Variants in TTLL8 observed in about 807,000 individuals in gnomAD.
TTLL8 encodes the protein tubulin tyrosine ligase like 8, also known as protein monoglycylase TTLL8.
In TTLL8, 65 loss-of-function variants were observed where a neutral mutation model predicts 77.8. The observed-to-expected ratio is 0.84, with a 90% CI of 0.68 to 1.03. The LOEUF (loss-of-function observed/expected upper bound fraction) is 1.03. Among genes scored for constraint, TTLL8 ranks in the 50% least tolerant of loss-of-function variants. TTLL8 has a pLI of 0.00. For synonymous variants in TTLL8, 402 were observed against 422.8 expected (o/e 0.95, Z 0.60); for missense variants, 910 against 1,004.5 (o/e 0.91, Z 1.27).
intron 2 of TTLL8, 93 bp downstream of exon 4, chr22:50,050,015 AG>A: frequency 7.8e-7 from 1 of 1,277,386 alleles, no homozygotes; most frequent in Non-Finnish European, 1.0e-6. Context: ...ACCAGGGCCG[AG>A]GGGCAGGCAC....
At chr22:50,056,649 C>T, upstream of TTLL8, 6 of 626,698 alleles carry the variant, frequency 9.6e-6, no homozygotes, top group Non-Finnish European at 1.2e-5. The surrounding 1 kb of genome is among the most constrained non-coding windows in gnomAD (Gnocchi z 4.1). Context: ...AGGAAGCTGG[C>T]CAGTGGGATC....
At chr22:50,018,791 C>G (rs897720038) in intron 12 of TTLL8, among the ~76,000 whole-genome samples, 4 of 152,192 alleles carry the variant, frequency 2.6e-5, no homozygotes, top group Non-Finnish European at 5.9e-5. Flanking sequence ...CTGTCATGAA[C>G]CTGTGTGGAA....
intron 12 of TTLL8, among the ~76,000 whole-genome samples, chr22:50,025,209 C>T (rs1396376397): frequency 4.0e-5 from 6 of 149,024 alleles, no homozygotes; most frequent in Non-Finnish European, 7.4e-5. Flanking sequence ...TCATATTTCA[C>T]GTAACCCACA....
chr22:50,049,080 G>A (rs2061429259), intron 3 of TTLL8, 169 bp downstream of exon 5: 1 of 907,930 alleles, frequency 1.1e-6, no homozygotes, highest in South Asian at 5.1e-5. Flanking sequence ...CCCACCCCTG[G>A]GGGCAGCCAG....
chr22:50,022,520 C>G (rs1347913880), intron 12 of TTLL8, among the ~76,000 whole-genome samples: 1 of 152,108 alleles, frequency 6.6e-6, no homozygotes, highest in Admixed American at 6.5e-5. Context: ...AATGTGTACT[C>G]CTCCATCTGA....
intron 4 of TTLL8, among the ~76,000 whole-genome samples, chr22:50,046,819 GC>G (rs2061415207): frequency 6.6e-6 from 1 of 152,192 alleles, no homozygotes; most frequent in Non-Finnish European, 1.5e-5. Flanking sequence ...GCGGGGGAGT[GC>G]CCGGTGCTGG....
chr22:50,033,035 G>A, intron 10 of TTLL8, 167 bp downstream of exon 11: 1 of 666,364 alleles, frequency 1.5e-6, no homozygotes, highest in African/African-American at 2.0e-5. Context: ...TGTCCCTCGG[G>A]GAGATCATCA....
chr22:50,046,035 G>A, intron 4 of TTLL8, 65 bp from the exon 7 acceptor site: 2 of 1,280,254 alleles, frequency 1.6e-6, no homozygotes, highest in Non-Finnish European at 2.0e-6. Flanking sequence ...CGCTCACAAG[G>A]CGAGGACGGG....
At position 50,044,532 on chromosome 22, in the gene TTLL8, G is replaced by C. The variant is rs550970619; in HGVS notation, c.643+723C>G. 6.6e-6 allele frequency among the ~76,000 whole-genome samples: 1 copy of C among 152,184 alleles called. No individual in the cohort carries two copies. Among genetic ancestry groups the C allele is most frequent in the East Asian group, 1.9e-4 (1 of 5,194 alleles). Reference sequence around the variant, plus strand: ...CAGGATTTATTTCCTCTGTTTCCACGTTTACCTAGAAGGGCTTTTCCCCTC... The same window carrying C: ...CAGGATTTATTTCCTCTGTTTCCACCTTTACCTAGAAGGGCTTTTCCCCTC... On this transcript the variant is annotated intron_variant, in intron 6 of 13. Transcript: ENST00000266182. The surrounding 1 kb of genome is among the most constrained non-coding windows in gnomAD (Gnocchi z 4.2).
Position 50,034,379 on chromosome 22 carries a change from G to T in TTLL8, c.1005C>A (p.Pro335=). Residue 335 remains proline, a synonymous_variant, in exon 9 of 14, where the codon CCC becomes CCA. Coordinates refer to ENST00000266182, the Ensembl canonical transcript of TTLL8. The surrounding 1 kb of genome is among the most constrained non-coding windows in gnomAD (Gnocchi z 4.1). Reference sequence around the variant, plus strand: ...CACCTCGGCCCCGGGACTTGGCCGCGGGCTTTATAATCCAGATGTTCCGGA... The same window carrying T: ...CACCTCGGCCCCGGGACTTGGCCGCTGGCTTTATAATCCAGATGTTCCGGA... 2 of 1,366,988 alleles carry T rather than the reference G, an allele frequency of 1.5e-6. No individual in the cohort carries two copies. Among genetic ancestry groups the T allele is most frequent in the Non-Finnish European group, 9.8e-7 (1 of 1,021,816 alleles). The allele number at this position is 1,366,988 out of a possible 1,614,324, so 84.7% of individuals were successfully genotyped here. A position where few individuals can be genotyped will look rare whatever the true frequency, so the allele number is the denominator to read the frequency against.
At chr22:50,030,552 A>G in exon 12 of TTLL8, 1 of 1,317,372 alleles carries the variant, frequency 7.6e-7, no homozygotes, top group Non-Finnish European at 1.0e-6. Context: ...GGCTACGGGG[A>G]CACCGGTGTT....
At chr22:50,045,112 G>A in intron 6 of TTLL8, 143 bp downstream of exon 8, 2 of 974,464 alleles carry the variant, frequency 2.1e-6, no homozygotes, top group South Asian at 3.3e-5. Flanking sequence ...TCTGCCATGA[G>A]AATCGAGAGA....
chr22:50,024,830 C>T (rs1032022805), intron 12 of TTLL8, among the ~76,000 whole-genome samples: 16 of 152,210 alleles, frequency 1.1e-4, no homozygotes, highest in Non-Finnish European at 4.4e-5. Flanking sequence ...GGTGAAAGCA[C>T]GTTCAGAGTC....
At position 50,047,409 on chromosome 22, in the gene TTLL8, AG is replaced by A. The variant is rs1226769483; in HGVS notation, c.265-114del. 3 of 877,852 alleles carry A rather than the reference AG, an allele frequency of 3.4e-6. No individual in the cohort carries two copies. In the African/African-American group the frequency reaches 5.2e-5, roughly 15 times the overall value. 54.4% of individuals were successfully genotyped at this position (877,852 alleles called of 1,614,324 possible). A position where few individuals can be genotyped will look rare whatever the true frequency, so the allele number is the denominator to read the frequency against. ...AAATGGCGTGCAGCGTGAGGATCCCAGCCGGGCTCTGCTGCAGGCAGTAGTG... is the reference window on the plus strand; with the variant it reads ...AAATGGCGTGCAGCGTGAGGATCCCACCGGGCTCTGCTGCAGGCAGTAGTG... On this transcript the variant is annotated intron_variant, in intron 3 of 13. Coordinates refer to ENST00000266182, the Ensembl canonical transcript of TTLL8.
intron 10 of TTLL8, among the ~76,000 whole-genome samples, chr22:50,032,484 G>T (rs1255405607): frequency 2.0e-5 from 3 of 152,226 alleles, no homozygotes; most frequent in Non-Finnish European, 4.4e-5. Context: ...CCCCTGGCCA[G>T]CTCCTCCCAG....
chr22:50,029,955 G>A (rs994412564), intron 12 of TTLL8, among the ~76,000 whole-genome samples: 2 of 151,192 alleles, frequency 1.3e-5, no homozygotes, highest in African/African-American at 4.9e-5. Context: ...GCCGAGGCTC[G>A]GAAGAGCCCG....
rs1222317630 is a variant in TTLL8 at position 50,041,882 on chromosome 22, CT to C, written c.644-76del. ...CCCTGCCCGCCTCGAGGGGTGATGT[CT>C]AAAGTCATGGACAAAGGCTGCTCCA... On this transcript the variant is annotated intron_variant, in intron 6 of 13. Coordinates refer to ENST00000266182, the Ensembl canonical transcript of TTLL8. The surrounding 1 kb of genome is among the most constrained non-coding windows in gnomAD (Gnocchi z 4.3). 2.4e-6 allele frequency: 3 copies of C among 1,246,234 alleles called. No individual in the cohort carries two copies. The African/African-American group carries it at 4.7e-5, about 20-fold the overall frequency. 77.2% of individuals were successfully genotyped at this position (1,246,234 alleles called of 1,614,324 possible). A position where few individuals can be genotyped will look rare whatever the true frequency, so the allele number is the denominator to read the frequency against.
chr22:50,026,837 A>G (rs2061232374), intron 12 of TTLL8, among the ~76,000 whole-genome samples: 1 of 152,208 alleles, frequency 6.6e-6, no homozygotes, highest in Non-Finnish European at 1.5e-5. Context: ...CTAATGAATG[A>G]CATGCCAGAC....
chr22:50,039,284 G>A (rs1294956785), intron 8 of TTLL8, among the ~76,000 whole-genome samples: 1 of 152,096 alleles, frequency 6.6e-6, no homozygotes, highest in Non-Finnish European at 1.5e-5. Context: ...ATCATTATGG[G>A]CTTGGATCCT....
Sources: gnomAD v4.1 joint callset for allele counts (sites outside exome capture counted in the v4.1 genomes callset) on GRCh38, gnomAD v4.1.1 for gene constraint, Gnocchi (gnomAD v3.1) non-coding constraint, MANE v1.5 for transcripts, NCBI Gene and HGNC (gene_info 2026-07-23, HGNC 2026-07-21) for gene names.